NAA38: variants seen among roughly 807,000 people sequenced by gnomAD.
NAA38 encodes the protein N-alpha-acetyltransferase 38, NatC auxiliary subunit, also known as LSM domain containing 1.
A neutral mutation model predicts 12.6 loss-of-function variants in NAA38; 15 were observed. The ratio of observed to expected loss-of-function variants is 1.19; its 90% CI spans 0.79 to 1.83. NAA38 has a LOEUF of 1.83. NAA38 is among the 40% of genes most tolerant of loss of function. NAA38 has a pLI of 0.00. For missense variants in NAA38, 183 were observed against 171.7 expected (o/e 1.07, Z -0.37); for synonymous variants, 88 against 69.9 (o/e 1.26, Z -1.29).
upstream of NAA38, chr17:7,859,005 C>G: frequency 1.7e-6 from 1 of 589,788 alleles, no homozygotes; most frequent in South Asian, 2.5e-5. Context: ...CTAGGAGTGT[C>G]TGGGTCACAG....
At position 7,857,091 on chromosome 17, in the gene NAA38, C is replaced by T; in HGVS notation, c.189G>A (p.Leu63=). The T allele has an allele frequency of 6.2e-7, 1 of 1,613,566 alleles. No homozygotes were observed. The highest frequency in any genetic ancestry group is 8.5e-7 in the Non-Finnish European group (1 of 1,180,042). The change falls in exon 2 of 3, where the codon CTG becomes CTA. Residue 63 remains leucine, a synonymous_variant. Coordinates refer to ENST00000575771, the MANE Select transcript of NAA38 (RefSeq NM_001320925.4). ...MRIRMTDGRT[L]VGCFLCTDRD... The stretch of plus-strand genomic sequence containing the variant: ...GGTCAGTGCAGAGGAAGCAGCCGAC[C>T]AGTGTCCGTCCATCTGTCATGCGAA...
chr17:7,882,605 G>A (rs1423897947), intron 2 of NAA38, among the ~76,000 whole-genome samples: 1 of 151,996 alleles, frequency 6.6e-6, no homozygotes, highest in Admixed American at 6.5e-5. Flanking sequence ...AAATCGACAG[G>A]AAAACTGGAA....
intron 3 of NAA38, chr17:7,863,656 G>T (rs1432438703): frequency 6.6e-6 from 1 of 152,042 alleles, no homozygotes; most frequent in African/African-American, 2.4e-5. Context: ...TAAATACTCT[G>T]TGTGTGTGTG....
chr17:7,881,494 G>A (rs918160556), intron 2 of NAA38, among the ~76,000 whole-genome samples: 2 of 151,870 alleles, frequency 1.3e-5, no homozygotes, highest in Non-Finnish European at 2.9e-5. Context: ...CAAGAAGTTA[G>A]ATAAGACTTT....
upstream of NAA38, chr17:7,858,376 G>C (rs2078851232): frequency 6.2e-7 from 1 of 1,614,132 alleles, no homozygotes; most frequent in Non-Finnish European, 8.5e-7. Context: ...GGCTGGCATT[G>C]ACAGTGGCTG....
intron 2 of NAA38, among the ~76,000 whole-genome samples, chr17:7,871,430 A>G (rs1219902764): frequency 6.6e-6 from 1 of 152,176 alleles, no homozygotes; most frequent in Non-Finnish European, 1.5e-5. Flanking sequence ...TTTTGTACAT[A>G]TACTTTACTA....
intron 1 of NAA38, chr17:7,885,003 G>GC (rs774623583): frequency 1.0e-5 from 13 of 1,240,098 alleles, no homozygotes; most frequent in Admixed American, 4.1e-5. Context: ...GACCGCCACA[G>GC]CCCCCCCGGC....
In NAA38 at chr17:7,857,419, GC is replaced by G. The variant is rs2078834866; in HGVS notation, c.44del (p.Gly15AlafsTer31). 1 of 1,593,650 alleles carries G rather than the reference GC, an allele frequency of 6.3e-7. No individual in the cohort carries two copies. Among genetic ancestry groups the G allele is most frequent in the South Asian group, 1.1e-5 (1 of 88,426 alleles). On this transcript the variant is annotated frameshift_variant, in exon 1 of 3. Transcript: ENST00000575771. LOFTEE classifies it high-confidence loss of function. ...GPTMLLREEN[G>X]CCSRRQSSSS... Reference sequence around the variant, plus strand: ...AGCTGCTCTGACGCCGACTGCAACAGCCATTCTCTTCTCGTAGCAGCATGGT... The same window carrying G: ...AGCTGCTCTGACGCCGACTGCAACAGCATTCTCTTCTCGTAGCAGCATGGT...
At position 7,863,581 on chromosome 17, in the gene NAA38, A is replaced by G. The variant is rs565746418; in HGVS notation, c.3+2910T>C. On this transcript the variant is annotated intron_variant, in intron 3 of 4. Transcript: ENST00000576861. ...GATAAAGGCTTAAGTTATGGTATAG[A>G]AAAGTTTCTACCCTTACAGCAAGTC... The G allele has an allele frequency of 5.9e-5, 9 of 152,326 alleles. No homozygotes were observed. In the East Asian group the frequency reaches 1.7e-3, roughly 29 times the overall value. 9.4% of individuals were successfully genotyped at this position (152,326 alleles called of 1,614,324 possible).
rs146775288 is a variant in NAA38 at position 7,877,019 on chromosome 17, C to CT, written c.-66+6215dup. The CT allele has an allele frequency of 2.0e-5, 7 of 356,560 alleles. No homozygotes were observed. In the East Asian group the frequency reaches 7.7e-4, roughly 39 times the overall value. The allele number at this position is 356,560 out of a possible 1,614,324, so 22.1% of individuals were successfully genotyped here. ...TTTAAAAACCCTAACTACATTACATCTACTGATTGTACTTTGCTTACACAT... is the reference window on the plus strand; with the variant it reads ...TTTAAAAACCCTAACTACATTACATCTTACTGATTGTACTTTGCTTACACAT... On this transcript the variant is annotated intron_variant, in intron 2 of 4. Transcript: ENST00000576861.
intron 2 of NAA38, among the ~76,000 whole-genome samples, chr17:7,867,264 A>ATT (rs1034644264): frequency 6.7e-6 from 1 of 149,376 alleles, no homozygotes; most frequent in African/African-American, 2.5e-5. Context: ...GTTAAGTTTT[A>ATT]TTTTTTTTTA....
chr17:7,858,137 G>A, upstream of NAA38: 1 of 1,613,426 alleles, frequency 6.2e-7, no homozygotes, highest in East Asian at 2.2e-5. Context: ...CAAGAGCCAT[G>A]CCGCGCCGGG....
chr17:7,866,057 C>T (rs1351315173), intron 3 of NAA38: 2 of 150,664 alleles, frequency 1.3e-5, no homozygotes, highest in African/African-American at 4.9e-5. Flanking sequence ...ATCCTGCTTC[C>T]TTATTTACAC....
intron 3 of NAA38, chr17:7,863,544 A>G (rs1311105044): frequency 6.6e-6 from 1 of 152,152 alleles, no homozygotes; most frequent in Non-Finnish European, 1.5e-5. Context: ...AAGATAAATG[A>G]ACATAGTACA....
upstream of NAA38, chr17:7,858,215 A>G: frequency 1.2e-6 from 2 of 1,613,960 alleles, no homozygotes; most frequent in Non-Finnish European, 1.7e-6. Flanking sequence ...AGGTGGCCCA[A>G]CATAACAGGC....
chr17:7,872,168 T>C (rs547982828), intron 2 of NAA38, among the ~76,000 whole-genome samples: 4 of 152,252 alleles, frequency 2.6e-5, no homozygotes, highest in Non-Finnish European at 4.4e-5. Context: ...TTTAACTTTA[T>C]GTTTTCTTAC....
chr17:7,859,780 C>A, upstream of NAA38: 1 of 611,498 alleles, frequency 1.6e-6, no homozygotes. Context: ...TCCCTGCCTT[C>A]ATTACAGTTT....
At chr17:7,860,202 G>C (rs2078872864), upstream of NAA38, 1 of 153,230 alleles carries the variant, frequency 6.5e-6, no homozygotes. Context: ...CACCCAGTCT[G>C]GAGTGCAGTG....
intron 3 of NAA38, among the ~76,000 whole-genome samples, chr17:7,866,256 T>A (rs1966975375): frequency 1.2e-5 from 1 of 83,124 alleles, no homozygotes; most frequent in African/African-American, 4.9e-5. Flanking sequence ...CCGGCTAATT[T>A]TTTTTTTTTT....
Sources: allele counts gnomAD v4.1 joint callset (sites outside exome capture counted in the v4.1 genomes callset), GRCh38; gene constraint gnomAD v4.1.1; transcripts MANE v1.5; gene names NCBI Gene and HGNC (gene_info 2026-07-23, HGNC 2026-07-21).